LASP1: variants seen among roughly 807,000 people sequenced by gnomAD.
The protein encoded by LASP1 is LIM and SH3 protein 1.
In LASP1, 10 loss-of-function variants were observed where a neutral mutation model predicts 38.6. The ratio of observed to expected loss-of-function variants is 0.26; its 90% CI spans 0.16 to 0.44. The LOEUF (loss-of-function observed/expected upper bound fraction) is 0.44. Ranked by LOEUF, LASP1 falls within the 20% of genes least tolerant of loss-of-function variation. The pLI is 1.00. For missense variants in LASP1, 243 were observed against 375.7 expected (o/e 0.65, Z 2.92); for synonymous variants, 132 against 140.8 (o/e 0.94, Z 0.44).
rs34275563 is a variant in LASP1, at chr17:38,911,647, G to C, written c.358-2678G>C. On this transcript the variant is annotated intron_variant, in intron 4 of 6. Transcript: ENST00000318008. Reference sequence around the variant, plus strand: ...AACAGGGCATGGGCCCCGTGTCTGGGAGTGCCCTGGTGCCCTTCCTAGTGG... The same window carrying C: ...AACAGGGCATGGGCCCCGTGTCTGGCAGTGCCCTGGTGCCCTTCCTAGTGG... Among the ~76,000 whole-genome samples, 872 of 152,300 alleles carry C rather than the reference G, an allele frequency of 5.7e-3. 5 individuals carry two copies. The highest frequency in any genetic ancestry group is 0.02 in the African/African-American group (830 of 41,550).
chr17:38,914,949 G>C (rs1418172422), intron 5 of LASP1, 94 bp from the exon 6 acceptor site: 5 of 1,117,656 alleles, frequency 4.5e-6, no homozygotes, highest in Middle Eastern at 2.0e-4. Context: ...GTTGGGGGCG[G>C]GGTGGAAGTG....
At chr17:38,875,833 G>C (rs1287522435) in intron 1 of LASP1, among the ~76,000 whole-genome samples, 2 of 152,164 alleles carry the variant, frequency 1.3e-5, no homozygotes, top group African/African-American at 4.8e-5. Flanking sequence ...GCATCGCCTT[G>C]GGGGAATTCC....
intron 1 of LASP1, among the ~76,000 whole-genome samples, chr17:38,871,308 T>G (rs1422280480): frequency 6.6e-6 from 1 of 151,968 alleles, no homozygotes; most frequent in Non-Finnish European, 1.5e-5. Context: ...CCTGTTCTCT[T>G]GTAAGCTCCG....
intron 2 of LASP1, among the ~76,000 whole-genome samples, chr17:38,882,832 T>TG (rs1444402600): frequency 6.6e-6 from 1 of 152,052 alleles, no homozygotes; most frequent in Non-Finnish European, 1.5e-5. Flanking sequence ...GAGGTGGGCA[T>TG]GGGCTGGGGA....
At position 38,920,398 on chromosome 17, in the gene LASP1, G is replaced by A; in HGVS notation, c.*1620G>A. 1 of 339,506 alleles carries A rather than the reference G, an allele frequency of 2.9e-6. No homozygotes were observed. Among genetic ancestry groups the A allele is most frequent in the East Asian group, 4.3e-5 (1 of 23,088 alleles). The allele number at this position is 339,506 out of a possible 1,614,324, so 21.0% of individuals were successfully genotyped here. ...CCTCGGGGATGGGGAGGGAAAGACG[G>A]TGCTATATCCAGTTCCTGCTCTCTG... On this transcript the variant is annotated 3_prime_UTR_variant, in exon 7 of 7. Transcript: ENST00000318008.
chr17:38,885,247 C>T (rs530477995), intron 2 of LASP1, among the ~76,000 whole-genome samples: 7 of 152,296 alleles, frequency 4.6e-5, no homozygotes, highest in African/African-American at 1.7e-4. Flanking sequence ...GTCCTTGACA[C>T]TGGACCTCAG....
intron 2 of LASP1, among the ~76,000 whole-genome samples, chr17:38,886,319 G>GA (rs1362058142): frequency 6.6e-6 from 1 of 152,100 alleles, no homozygotes; most frequent in East Asian, 1.9e-4. Flanking sequence ...GGGCTGTGGG[G>GA]AGGGGACAGG....
intron 1 of LASP1, among the ~76,000 whole-genome samples, chr17:38,874,404 A>G (rs1464714350): frequency 6.6e-6 from 1 of 152,066 alleles, no homozygotes; most frequent in Non-Finnish European, 1.5e-5. Context: ...CTTTCATCTT[A>G]GGGTCCAGGC....
At chr17:38,897,667 G>GCT (rs1914524669) in intron 3 of LASP1, among the ~76,000 whole-genome samples, 8 of 152,176 alleles carry the variant, frequency 5.3e-5, no homozygotes, top group Non-Finnish European at 2.9e-5. Context: ...GGAGCTTGGA[G>GCT]ACCTGCTGAG....
At chr17:38,874,590 G>A (rs576194609) in intron 1 of LASP1, among the ~76,000 whole-genome samples, 1 of 152,304 alleles carries the variant, frequency 6.6e-6, no homozygotes, top group African/African-American at 2.4e-5. Flanking sequence ...AGCATTAGGG[G>A]TGGAACGGCC....
chr17:38,879,636 A>G (rs1437997604), intron 2 of LASP1, among the ~76,000 whole-genome samples: 1 of 151,174 alleles, frequency 6.6e-6, no homozygotes, highest in Non-Finnish European at 1.5e-5. Context: ...GGAAAAAAAA[A>G]TTTGGGACTT....
At chr17:38,880,483 C>T (rs1913913335) in intron 2 of LASP1, among the ~76,000 whole-genome samples, 1 of 152,224 alleles carries the variant, frequency 6.6e-6, no homozygotes, top group Non-Finnish European at 1.5e-5. Context: ...TCCCTCCTGG[C>T]CTCCAGCCAA....
rs938434727 is a variant in LASP1, at chr17:38,918,948, C to T, written c.*170C>T. ...CTGAAGCCTTCTTCTGCCACTTCTGCGGGCTCCCTCCTCTGGCAGGCTTCC... is the reference window on the plus strand; with the variant it reads ...CTGAAGCCTTCTTCTGCCACTTCTGTGGGCTCCCTCCTCTGGCAGGCTTCC... On this transcript the variant is annotated 3_prime_UTR_variant, in exon 7 of 7. Transcript: ENST00000318008. This position sits in a 1 kb window ranked among gnomAD's most constrained non-coding sequence, Gnocchi z 4.4. The T allele has an allele frequency of 2.9e-5, 21 of 722,688 alleles. No homozygotes were observed. The highest frequency in any genetic ancestry group is 2.3e-5 in the Non-Finnish European group (10 of 444,078). 44.8% of individuals were successfully genotyped at this position (722,688 alleles called of 1,614,324 possible).
chr17:38,889,598 C>A (rs1347956514), intron 2 of LASP1, among the ~76,000 whole-genome samples: 1 of 152,152 alleles, frequency 6.6e-6, no homozygotes, highest in East Asian at 1.9e-4. Context: ...AATTTTGTTT[C>A]ATGCATAAAA....
At chr17:38,905,530 CAAAAAAAAA>C (rs35515925) in intron 4 of LASP1, among the ~76,000 whole-genome samples, 2,495 of 93,116 alleles carry the variant, frequency 0.027, 94 homozygotes, top group African/African-American at 0.1. Context: ...GACTCCATCT[CAAAAAAAAA>C]AAAAAAAAAA....
At chr17:38,917,804 C>A (rs1162988727) in intron 6 of LASP1, among the ~76,000 whole-genome samples, 1 of 152,056 alleles carries the variant, frequency 6.6e-6, no homozygotes, top group Non-Finnish European at 1.5e-5. Context: ...ATCCTCCCAC[C>A]TCAGCCTCCT....
chr17:38,895,139 C>T (rs541546834), intron 3 of LASP1, among the ~76,000 whole-genome samples: 214 of 151,546 alleles, frequency 1.4e-3, no homozygotes, highest in African/African-American at 4.8e-3. Flanking sequence ...AATTGTATTT[C>T]GCTCAATAAA....
At chr17:38,888,804 C>T (rs990733511) in intron 2 of LASP1, among the ~76,000 whole-genome samples, 1 of 152,216 alleles carries the variant, frequency 6.6e-6, no homozygotes, top group African/African-American at 2.4e-5. Context: ...GGGAGTTGGA[C>T]CAGAGTCTTC....
chr17:38,906,314 G>C (rs1489792722), intron 4 of LASP1, among the ~76,000 whole-genome samples: 3 of 151,952 alleles, frequency 2.0e-5, no homozygotes, highest in African/African-American at 4.8e-5. Flanking sequence ...GATGATTTGA[G>C]GCCAGGAGTT....
Sources: allele counts gnomAD v4.1 joint callset (sites outside exome capture counted in the v4.1 genomes callset), GRCh38; gene constraint gnomAD v4.1.1; non-coding constraint Gnocchi (gnomAD v3.1); transcripts MANE v1.5; gene names NCBI Gene and HGNC (gene_info 2026-07-23, HGNC 2026-07-21).